Variants in PLRG1 observed in about 807,000 individuals in gnomAD.
PLRG1 encodes pleiotropic regulator 1.
PLRG1 carries 28 observed loss-of-function variants against 74.9 expected under a neutral mutation model. That is an observed-to-expected ratio of 0.37 (90% CI 0.28 to 0.51). PLRG1 has a LOEUF of 0.51. Ranked by LOEUF, PLRG1 falls within the 20% of genes least tolerant of loss-of-function variation. The pLI is 0.91. For synonymous variants in PLRG1, 197 were observed against 212.4 expected (o/e 0.93, Z 0.63); for missense variants, 445 against 631.9 (o/e 0.70, Z 3.17).
At chr4:154,543,693 CA>C (rs1416164290) in intron 7 of PLRG1, among the ~76,000 whole-genome samples, 1 of 151,742 alleles carries the variant, frequency 6.6e-6, no homozygotes, top group Non-Finnish European at 1.5e-5. Context: ...AGTGGTTACC[CA>C]AATCAATACA....
chr4:154,544,898 G>C (rs1165452904), intron 6 of PLRG1, among the ~76,000 whole-genome samples: 1 of 152,162 alleles, frequency 6.6e-6, no homozygotes, highest in African/African-American at 2.4e-5. Context: ...AGTAGTAAAT[G>C]CTCCATGTAA....
chr4:154,546,096 G>A, intron 5 of PLRG1, 27 bp downstream of exon 5: 1 of 1,351,136 alleles, frequency 7.4e-7, no homozygotes, highest in Non-Finnish European at 1.0e-6. Context: ...ATGCTTTTAA[G>A]ATCTTTGTAA....
At chr4:154,540,725 C>G in intron 9 of PLRG1, 30 bp from the exon 10 acceptor site, 2 of 1,609,030 alleles carry the variant, frequency 1.2e-6, no homozygotes, top group Non-Finnish European at 1.7e-6. Context: ...GTTAAAACTT[C>G]TAGAATTAGA....
At chr4:154,539,348 C>T in intron 11 of PLRG1, 135 bp from the exon 12 acceptor site, 1 of 597,850 alleles carries the variant, frequency 1.7e-6, no homozygotes, top group Non-Finnish European at 2.9e-6. Flanking sequence ...TTAGTCTTGG[C>T]TAATTTCTTC....
chr4:154,540,439 A>C lies in PLRG1; in HGVS notation c.939+155T>G, dbSNP rs1729534782. The stretch of plus-strand genomic sequence containing the variant: ...ATACAACTGAAGACTAAGGTGGAAA[A>C]AAATGCAAGTTAAGAAACTTAGGGA... On this transcript the variant is annotated intron_variant, in intron 10 of 14. Transcript: ENST00000499023. Among the ~76,000 whole-genome samples the C allele has an allele frequency of 2.6e-5, 4 of 152,164 alleles. No homozygotes were observed. In the South Asian group the frequency reaches 8.3e-4, roughly 31 times the overall value.
At chr4:154,541,930 A>G in intron 8 of PLRG1, 1 of 413,980 alleles carries the variant, frequency 2.4e-6, no homozygotes, top group Admixed American at 3.6e-5. Flanking sequence ...TTTTGTAACC[A>G]GTTGGAGAGA....
At position 154,545,972 on chromosome 4, in the gene PLRG1, T is replaced by C. The variant is rs570587665; in HGVS notation, c.405-49A>G. 6 of 1,274,384 alleles carry C rather than the reference T, an allele frequency of 4.7e-6. No homozygotes were observed. The South Asian group carries it at 5.1e-5, about 11-fold the overall frequency. 78.9% of individuals were successfully genotyped at this position (1,274,384 alleles called of 1,614,324 possible). On this transcript the variant is annotated intron_variant, in intron 5 of 14. Transcript: ENST00000499023. ...TCAAAGTAATTAATGCCTCCAGTCA[T>C]GTATTCTGCAAAACTAACCCTTTAT...
intron 10 of PLRG1, 192 bp from the exon 11 acceptor site, chr4:154,540,245 T>TGCAAAAAG (rs1449308309): frequency 3.3e-5 from 19 of 584,498 alleles, no homozygotes; most frequent in Admixed American, 1.3e-4. Context: ...TTGCAAGAAT[T>TGCAAAAAG]CTAAAAAGCT....
At chr4:154,542,127 C>A in intron 8 of PLRG1, 60 bp downstream of exon 8, 3 of 1,042,048 alleles carry the variant, frequency 2.9e-6, no homozygotes, top group South Asian at 2.6e-5. Context: ...GAAATAATAA[C>A]TGATTAAACT....
At chr4:154,541,947 T>G (rs1204129473) in intron 8 of PLRG1, 1 of 462,340 alleles carries the variant, frequency 2.2e-6, no homozygotes, top group Non-Finnish European at 3.9e-6. Context: ...GAGAACAATG[T>G]AAGTATAAAG....
chr4:154,541,188 A>G (rs1023545391), intron 8 of PLRG1, among the ~76,000 whole-genome samples: 4 of 152,208 alleles, frequency 2.6e-5, no homozygotes, highest in Non-Finnish European at 5.9e-5. Flanking sequence ...ATCTTTGATA[A>G]TAACAGTAAG....
At position 154,547,094 on chromosome 4, in the gene PLRG1, G is replaced by A. The variant is rs114853222; in HGVS notation, c.260-30C>T. ...AAAAACACAAAAAAAATCAACAGTA[G>A]TGAATTTACCTTATACAAAAGTTAT... On this transcript the variant is annotated intron_variant, in intron 3 of 14. Coordinates refer to ENST00000499023, the MANE Select transcript of PLRG1 (RefSeq NM_002669.4). The A allele has an allele frequency of 6.9e-4, 1,057 of 1,521,996 alleles. 6 individuals carry two copies. The African/African-American group carries it at 0.013, about 19-fold the overall frequency. The allele number at this position is 1,521,996 out of a possible 1,614,324, so 94.3% of individuals were successfully genotyped here. A position where few individuals can be genotyped will look rare whatever the true frequency, so the allele number is the denominator to read the frequency against.
At chr4:154,544,228 T>C (rs2111106750) in intron 7 of PLRG1, among the ~76,000 whole-genome samples, 2 of 152,354 alleles carry the variant, frequency 1.3e-5, no homozygotes, top group Middle Eastern at 6.8e-3. Context: ...TATCTTGACA[T>C]TTCATACTAT....
At chr4:154,536,920 G>A (rs1176593825) in intron 14 of PLRG1, among the ~76,000 whole-genome samples, 176 bp from the exon 15 acceptor site, 2 of 144,476 alleles carry the variant, frequency 1.4e-5, no homozygotes, top group African/African-American at 5.8e-5. Flanking sequence ...TCTAATAACA[G>A]ATGGATGGAT....
At position 154,537,958 on chromosome 4, in the gene PLRG1, T is replaced by C. The variant is rs759151685; in HGVS notation, c.1291+11A>G. 1 of 1,401,732 alleles carries C rather than the reference T, an allele frequency of 7.1e-7. No homozygotes were observed. The highest frequency in any genetic ancestry group is 9.7e-7 in the Non-Finnish European group (1 of 1,031,452). 86.8% of individuals were successfully genotyped at this position (1,401,732 alleles called of 1,614,324 possible). ...AGACTAAACATATTTATTATAAAAA[T>C]CTTATTTTACCTCCAGATACAAGCA... On this transcript the variant is annotated intron_variant, in intron 13 of 14. Coordinates refer to ENST00000499023, the MANE Select transcript of PLRG1 (RefSeq NM_002669.4).
chr4:154,538,000 C>T lies in PLRG1; in HGVS notation c.1260G>A (p.Thr420=), dbSNP rs756646355. 1.8e-5 allele frequency: 28 copies of T among 1,524,826 alleles called. 1 individual carries two copies. The highest frequency in any genetic ancestry group is 2.7e-5 in the South Asian group (2 of 75,308). The allele number at this position is 1,524,826 out of a possible 1,614,324, so 94.5% of individuals were successfully genotyped here. The part of the protein sequence containing the change: ...SGHNAIINTL[T]VNSDGVLVSG... Reference sequence around the variant, plus strand: ...ATACAAGCACTCCATCAGAATTTACCGTCAATGTGTTAATAATAGCATTAT... The same window carrying T: ...ATACAAGCACTCCATCAGAATTTACTGTCAATGTGTTAATAATAGCATTAT... Residue 420 remains threonine, a synonymous_variant, in exon 13 of 15, where the codon ACG becomes ACA. Transcript: ENST00000499023.
At chr4:154,544,203 C>T (rs1174739134) in intron 7 of PLRG1, among the ~76,000 whole-genome samples, 1 of 152,126 alleles carries the variant, frequency 6.6e-6, no homozygotes, top group African/African-American at 2.4e-5. Context: ...GTCTGCCATC[C>T]ATATTTAGTA....
At chr4:154,537,008 T>A (rs1015141009) in intron 14 of PLRG1, among the ~76,000 whole-genome samples, 8 of 152,114 alleles carry the variant, frequency 5.3e-5, no homozygotes, top group Non-Finnish European at 1.2e-4. Flanking sequence ...AAGCTTATGA[T>A]TCTCGAATTA....
chr4:154,547,316 T>G (rs1729676403), intron 3 of PLRG1, among the ~76,000 whole-genome samples: 1 of 152,178 alleles, frequency 6.6e-6, no homozygotes, highest in Admixed American at 6.5e-5. Flanking sequence ...ACTCTGGTAT[T>G]TCTTCCAAGC....
Sources: allele counts gnomAD v4.1 joint callset (sites outside exome capture counted in the v4.1 genomes callset), GRCh38; gene constraint gnomAD v4.1.1; transcripts MANE v1.5; gene names NCBI Gene and HGNC (gene_info 2026-07-23, HGNC 2026-07-21).